FRYL: variants seen among roughly 807,000 people sequenced by gnomAD.
The protein encoded by FRYL is FRY like transcription coactivator, also known as protein furry homolog-like.
In FRYL, 150 loss-of-function variants were observed where a neutral mutation model predicts 351.2. The observed-to-expected ratio is 0.43, with a 90% CI of 0.37 to 0.49. The LOEUF (loss-of-function observed/expected upper bound fraction) is 0.49, where lower values mean the gene tolerates loss of function less well. Ranked by LOEUF, FRYL falls within the 20% of genes least tolerant of loss-of-function variation. FRYL has a pLI of 0.00. For synonymous variants in FRYL, 1,153 were observed against 1,257.1 expected (o/e 0.92, Z 1.75); for missense variants, 3,036 against 3,619.3 (o/e 0.84, Z 4.13).
At chr4:48,709,069 C>A (rs577709848) in intron 2 of FRYL, among the ~76,000 whole-genome samples, 1 of 151,972 alleles carries the variant, frequency 6.6e-6, no homozygotes, top group Non-Finnish European at 1.5e-5. Flanking sequence ...CTACAGCGCC[C>A]GCCACCACGC....
intron 3 of FRYL, among the ~76,000 whole-genome samples, chr4:48,671,873 C>CAAAAAAAAAAAAAAAAAAAAAAA (rs71191252): frequency 5.8e-5 from 3 of 51,848 alleles, no homozygotes; most frequent in African/African-American, 7.4e-5. Context: ...AAAAAAAAAA[C>CAAAAAAAAAAAAAAAAAAAAAAA]AAAAAAAAAA....
chr4:48,749,090 A>G lies in FRYL; in HGVS notation c.-384+30988T>C, dbSNP rs1018548457. Among the ~76,000 whole-genome samples, 36 of 152,348 alleles carry G rather than the reference A, an allele frequency of 2.4e-4. No individual in the cohort carries two copies. The Middle Eastern group carries it at 0.01, about 43-fold the overall frequency. ...AGGAAACGGTAGGGGAAAAGGTCAG[A>G]AAGGCCGAGAGGGGCCAGCTCAGGT... On this transcript the variant is annotated intron_variant, in intron 1 of 63. Coordinates refer to ENST00000358350, the MANE Select transcript of FRYL (RefSeq NM_015030.2).
intron 1 of FRYL, among the ~76,000 whole-genome samples, chr4:48,724,641 T>C (rs1389364182): frequency 6.6e-6 from 1 of 152,180 alleles, no homozygotes; most frequent in East Asian, 1.9e-4. Context: ...AGGAACTCAA[T>C]AAACATTTGT....
In FRYL at chr4:48,534,670, A is replaced by G; in HGVS notation, c.6580T>C (p.Leu2194=). Residue 2194 remains leucine (L), a synonymous_variant, in exon 49 of 64, where the codon TTG becomes CTG. Coordinates refer to ENST00000358350, the MANE Select transcript of FRYL (RefSeq NM_015030.2). ...TYLAELLEKG[L]SSMQQSLLQI... ...AGTAATGATTGCTGCATACTGGACA[A>G]TCCTTTCTCTAACAGCTAAAAATAA... 1 of 1,555,304 alleles carries G rather than the reference A, an allele frequency of 6.4e-7. No individual in the cohort carries two copies. Among genetic ancestry groups the G allele is most frequent in the Non-Finnish European group, 8.8e-7 (1 of 1,134,242 alleles).
chr4:48,571,808 G>A, intron 26 of FRYL: 8 of 983,518 alleles, frequency 8.1e-6, no homozygotes, highest in Non-Finnish European at 9.7e-6. Flanking sequence ...TTTTCATTTT[G>A]TCTTCACAGA....
intron 1 of FRYL, among the ~76,000 whole-genome samples, chr4:48,771,397 A>AAT (rs1472825093): frequency 1.3e-5 from 2 of 152,224 alleles, no homozygotes; most frequent in African/African-American, 4.8e-5. Context: ...TAAGACTTTT[A>AAT]ATATCTGCTC....
Position 48,651,289 on chromosome 4 carries a change from CTGTGTGTGTGTGTGTGTGTGTGTGTG to C in FRYL, c.-80-16825_-80-16800del, listed in dbSNP as rs59845967. On this transcript the variant is annotated intron_variant, in intron 3 of 63. Coordinates refer to ENST00000358350, the MANE Select transcript of FRYL (RefSeq NM_015030.2). ...GTAGAAACAGGATCTCAGGATCTCACTGTGTGTGTGTGTGTGTGTGTGTGTGTGTGTGTGTGTGTGTGTGTGTGTGT... is the reference window on the plus strand; with the variant it reads ...GTAGAAACAGGATCTCAGGATCTCACTGTGTGTGTGTGTGTGTGTGTGTGT... Among the ~76,000 whole-genome samples the C allele has an allele frequency of 2.5e-3, 159 of 62,404 alleles. 1 individual carries two copies. Among genetic ancestry groups the C allele is most frequent in the African/African-American group, 0.01 (132 of 12,934 alleles). 40.9% of individuals were successfully genotyped at this position (62,404 alleles called of 152,430 possible).
At position 48,586,723 on chromosome 4, in the gene FRYL, T is replaced by TC. The variant is rs1277048782; in HGVS notation, c.1645dup (p.Glu549GlyfsTer7). ...AAACAAATCAATCTTGGGTTTTCTT[T>TC]CCCCCCTGAAAAATACAACAGGATT... On this transcript the variant is annotated frameshift_variant, in exon 19 of 64. Coordinates refer to ENST00000358350, the MANE Select transcript of FRYL (RefSeq NM_015030.2). LOFTEE classifies it high-confidence loss of function. 1 of 1,598,032 alleles carries TC rather than the reference T, an allele frequency of 6.3e-7. No individual in the cohort carries two copies. Among genetic ancestry groups the TC allele is most frequent in the Non-Finnish European group, 8.6e-7 (1 of 1,169,314 alleles).
At chr4:48,734,906 G>A (rs1397201929) in intron 1 of FRYL, among the ~76,000 whole-genome samples, 13 of 151,942 alleles carry the variant, frequency 8.6e-5, no homozygotes, top group Non-Finnish European at 1.3e-4. Flanking sequence ...GGACATAGGC[G>A]TGGGCAAGGA....
intron 3 of FRYL, among the ~76,000 whole-genome samples, chr4:48,662,444 T>A (rs1760935311): frequency 2.0e-5 from 3 of 152,104 alleles, no homozygotes; most frequent in Non-Finnish European, 1.5e-5. Flanking sequence ...TAATATTTTT[T>A]AAATAAAGTA....
chr4:48,514,290 T>TA (rs1381541285), intron 56 of FRYL, among the ~76,000 whole-genome samples: 1 of 152,138 alleles, frequency 6.6e-6, no homozygotes, highest in East Asian at 1.9e-4. Context: ...GATACCTTTA[T>TA]AAAAAACATA....
At chr4:48,722,589 T>C (rs1001121241) in intron 1 of FRYL, among the ~76,000 whole-genome samples, 6 of 152,220 alleles carry the variant, frequency 3.9e-5, no homozygotes, top group African/African-American at 9.6e-5. Flanking sequence ...CATTAACTTA[T>C]TGTTTTCATA....
intron 2 of FRYL, among the ~76,000 whole-genome samples, chr4:48,705,405 T>C (rs1186386387): frequency 2.6e-5 from 4 of 151,448 alleles, no homozygotes; most frequent in Non-Finnish European, 5.9e-5. Flanking sequence ...CAATGGGTTA[T>C]TATATAGCTA....
chr4:48,631,552 C>CCCA (rs1036605300), intron 4 of FRYL, among the ~76,000 whole-genome samples: 1 of 151,890 alleles, frequency 6.6e-6, no homozygotes, highest in Non-Finnish European at 1.5e-5. Context: ...CTACTGAGTA[C>CCCA]CCACCACCAC....
At chr4:48,740,321 G>A (rs1351941194) in intron 1 of FRYL, among the ~76,000 whole-genome samples, 1 of 119,376 alleles carries the variant, frequency 8.4e-6, no homozygotes, top group Non-Finnish European at 1.6e-5. Context: ...TTGAGACAGA[G>A]TCTCGCTCTG....
At chr4:48,757,278 T>C (rs559395155) in intron 1 of FRYL, among the ~76,000 whole-genome samples, 2 of 152,158 alleles carry the variant, frequency 1.3e-5, no homozygotes, top group South Asian at 4.1e-4. Flanking sequence ...GGTATTCAAT[T>C]AGGAAAAGAG....
chr4:48,704,239 C>T (rs1346079150), intron 2 of FRYL, among the ~76,000 whole-genome samples: 1 of 151,846 alleles, frequency 6.6e-6, no homozygotes, highest in Non-Finnish European at 1.5e-5. Context: ...CACCAACAAA[C>T]AGAAAAGGGG....
In FRYL at chr4:48,567,859, A is replaced by T. The variant is rs1346865867; in HGVS notation, c.2997-439T>A. ...TTAAATATCTATTAGTCACTTAGTA[A>T]CATTCTGGGATAGGTATTATCAGGG... On this transcript the variant is annotated intron_variant, in intron 27 of 63. Coordinates refer to ENST00000358350, the MANE Select transcript of FRYL (RefSeq NM_015030.2). The surrounding 1 kb of genome is among the most constrained non-coding windows in gnomAD (Gnocchi z 4.2). Among the ~76,000 whole-genome samples, 1 of 152,272 alleles carries T rather than the reference A, an allele frequency of 6.6e-6. No individual in the cohort carries two copies. Among genetic ancestry groups the T allele is most frequent in the East Asian group, 1.9e-4 (1 of 5,206 alleles).
chr4:48,515,619 G>A (rs998079322), intron 55 of FRYL, among the ~76,000 whole-genome samples: 2 of 151,956 alleles, frequency 1.3e-5, no homozygotes, highest in South Asian at 2.1e-4. Context: ...TGATCTGCCC[G>A]CCTTGGCCTC....
Sources: allele counts gnomAD v4.1 joint callset (sites outside exome capture counted in the v4.1 genomes callset), GRCh38; gene constraint gnomAD v4.1.1; non-coding constraint Gnocchi (gnomAD v3.1); transcripts MANE v1.5; gene names NCBI Gene and HGNC (gene_info 2026-07-23, HGNC 2026-07-21).